The following WDPCP variants were observed in gnomAD, a reference collection of about 807,000 sequenced individuals.
WDPCP encodes WD repeat containing planar cell polarity effector.
Under a neutral mutation model 93.1 loss-of-function variants are expected in WDPCP, and 71 were observed. That is an observed-to-expected ratio of 0.76 (90% CI 0.63 to 0.93). The LOEUF is 0.93. Ranked by LOEUF, WDPCP falls within the 40% of genes least tolerant of loss-of-function variation. WDPCP has a pLI of 0.00. For synonymous variants in WDPCP, 315 were observed against 315.0 expected (o/e 1.00, Z 0.00); for missense variants, 844 against 887.4 (o/e 0.95, Z 0.62).
At chr2:63,776,998 T>C (rs1670314118) in intron 2 of WDPCP, among the ~76,000 whole-genome samples, 1 of 152,176 alleles carries the variant, frequency 6.6e-6, no homozygotes, top group African/African-American at 2.4e-5. Context: ...TGGTGTCCTA[T>C]TGCACAGTAG....
At chr2:63,549,012 G>T (rs1026623974) in intron 1 of WDPCP, among the ~76,000 whole-genome samples, 4 of 152,036 alleles carry the variant, frequency 2.6e-5, no homozygotes, top group Non-Finnish European at 5.9e-5. Context: ...ATTTTAGGAG[G>T]CAGAGGTGGG....
intron 13 of WDPCP, among the ~76,000 whole-genome samples, chr2:63,308,329 G>A (rs1009988718): frequency 5.3e-5 from 8 of 152,334 alleles, no homozygotes; most frequent in Admixed American, 5.2e-4. Flanking sequence ...GTGGGAGACA[G>A]TGTGGCAATT....
intron 8 of WDPCP, among the ~76,000 whole-genome samples, chr2:63,436,959 G>A (rs1466162214): frequency 6.6e-6 from 1 of 151,964 alleles, no homozygotes; most frequent in Non-Finnish European, 1.5e-5. Flanking sequence ...TGGAGGGGGA[G>A]GGTTCTTCCC....
chr2:63,601,370 T>C (rs776888522), intron 3 of WDPCP, among the ~76,000 whole-genome samples: 2 of 152,234 alleles, frequency 1.3e-5, no homozygotes, highest in Non-Finnish European at 2.9e-5. Context: ...CTTGCCTGTG[T>C]ATTTGCAAAC....
chr2:63,345,713 C>G (rs1689146072), intron 12 of WDPCP, among the ~76,000 whole-genome samples: 1 of 152,154 alleles, frequency 6.6e-6, no homozygotes. Context: ...ACTTGGAATC[C>G]TGAAATATGA....
chr2:63,144,396 C>G (rs927398177), intron 17 of WDPCP, among the ~76,000 whole-genome samples: 2 of 152,084 alleles, frequency 1.3e-5, no homozygotes, highest in African/African-American at 4.8e-5. Flanking sequence ...GATTCCCTGG[C>G]TAATTTTTGT....
intron 3 of WDPCP, among the ~76,000 whole-genome samples, chr2:63,630,096 G>A (rs1191379811): frequency 6.6e-6 from 1 of 152,108 alleles, no homozygotes; most frequent in Non-Finnish European, 1.5e-5. Context: ...CATAAGTGAT[G>A]TGCAATATCT....
chr2:63,284,928 CA>C (rs1227298685), intron 13 of WDPCP, among the ~76,000 whole-genome samples: 5 of 151,324 alleles, frequency 3.3e-5, no homozygotes, highest in African/African-American at 1.2e-4. Context: ...CATAGACACA[CA>C]AAAAAATTTA....
intron 13 of WDPCP, among the ~76,000 whole-genome samples, chr2:63,302,347 G>A (rs752232696): frequency 2.6e-5 from 4 of 152,184 alleles, no homozygotes; most frequent in African/African-American, 7.2e-5. Flanking sequence ...TAGAAAAGGG[G>A]AAGAAATACA....
intron 1 of WDPCP, among the ~76,000 whole-genome samples, chr2:63,576,065 C>A (rs944242341): frequency 3.9e-5 from 6 of 152,162 alleles, no homozygotes; most frequent in Admixed American, 3.3e-4. Flanking sequence ...CCCTCACACA[C>A]CACTCAACAC....
intron 3 of WDPCP, chr2:63,606,875 A>T: frequency 6.2e-7 from 1 of 1,611,022 alleles, no homozygotes; most frequent in Non-Finnish European, 8.5e-7. Flanking sequence ...AAGACCTGGA[A>T]GTTTGTTGAA....
At chr2:63,342,681 C>T (rs1320773383) in intron 12 of WDPCP, among the ~76,000 whole-genome samples, 1 of 152,126 alleles carries the variant, frequency 6.6e-6, no homozygotes, top group African/African-American at 2.4e-5. Context: ...TCATAAATTA[C>T]ATGTATATAT....
chr2:63,450,016 G>A lies in WDPCP; in HGVS notation c.385-10145C>T, dbSNP rs143853325. Among the ~76,000 whole-genome samples, 159 of 152,254 alleles carry A rather than the reference G, an allele frequency of 1.0e-3. 1 individual carries two copies. The highest frequency in any genetic ancestry group is 3.8e-3 in the African/African-American group (157 of 41,542). ...AAAGAAGAGTGCAGTGCACCAAAAA[G>A]GGAGCCCCCAGGACAAAGGAAAGCA... On this transcript the variant is annotated intron_variant, in intron 6 of 17. Coordinates refer to ENST00000272321, the MANE Select transcript of WDPCP (RefSeq NM_015910.7).
intron 7 of WDPCP, chr2:63,437,789 T>G (rs1415954277): frequency 2.7e-6 from 4 of 1,466,822 alleles, no homozygotes; most frequent in Non-Finnish European, 3.7e-6. Flanking sequence ...ACACTGATAT[T>G]TGGGGACCAC....
chr2:63,398,718 C>T (rs1170962324), intron 10 of WDPCP, among the ~76,000 whole-genome samples: 3 of 151,834 alleles, frequency 2.0e-5, no homozygotes, highest in African/African-American at 7.3e-5. Flanking sequence ...AAATTGTAAG[C>T]TACACCTTTC....
At chr2:63,635,788 G>A (rs1307554633) in intron 3 of WDPCP, among the ~76,000 whole-genome samples, 1 of 152,130 alleles carries the variant, frequency 6.6e-6, no homozygotes, top group Non-Finnish European at 1.5e-5. Flanking sequence ...CCTCTAAGAA[G>A]TAGAACAAGA....
intron 12 of WDPCP, among the ~76,000 whole-genome samples, chr2:63,351,268 C>T (rs1689591218): frequency 6.6e-6 from 1 of 152,118 alleles, no homozygotes; most frequent in South Asian, 2.1e-4. Flanking sequence ...AGGCATGAGC[C>T]ACTGTGCTCG....
chr2:63,485,607 C>T (rs542211796), intron 4 of WDPCP, among the ~76,000 whole-genome samples: 4 of 151,664 alleles, frequency 2.6e-5, no homozygotes, highest in South Asian at 2.1e-4. Flanking sequence ...GATAAGCCTT[C>T]GTTTTGCTTT....
chr2:63,523,038 C>T (rs1039900987), intron 1 of WDPCP, among the ~76,000 whole-genome samples: 1 of 152,128 alleles, frequency 6.6e-6, no homozygotes, highest in African/African-American at 2.4e-5. Flanking sequence ...CCTTGATGAA[C>T]AGAGACACAA....
Sources: gnomAD v4.1 joint callset for allele counts (sites outside exome capture counted in the v4.1 genomes callset) on GRCh38, gnomAD v4.1.1 for gene constraint, MANE v1.5 for transcripts, NCBI Gene and HGNC (gene_info 2026-07-23, HGNC 2026-07-21) for gene names.